Variants in TEX9 observed in about 807,000 individuals in gnomAD.
The protein encoded by TEX9 is testis expressed 9, also known as testis-expressed protein 9.
In TEX9, 74 loss-of-function variants were observed where a neutral mutation model predicts 59.6. The ratio of observed to expected loss-of-function variants is 1.24; its 90% CI spans 1.03 to 1.51. The LOEUF (loss-of-function observed/expected upper bound fraction) is 1.51. Among genes scored for constraint, TEX9 ranks in the 40% most tolerant of loss-of-function variants. The pLI is 0.00. For synonymous variants in TEX9, 186 were observed against 152.2 expected (o/e 1.22, Z -1.64); for missense variants, 522 against 447.8 (o/e 1.17, Z -1.49).
At chr15:56,429,273 A>ATAACT in intron 12 of TEX9, 1 of 874,668 alleles carries the variant, frequency 1.1e-6, no homozygotes, top group Non-Finnish European at 1.8e-6. Flanking sequence ...CAGACATAAG[A>ATAACT]TTAGTAAAGT....
At chr15:56,440,868 G>A (rs1030926324) in intron 12 of TEX9, among the ~76,000 whole-genome samples, 6 of 151,918 alleles carry the variant, frequency 3.9e-5, no homozygotes, top group African/African-American at 1.5e-4. Flanking sequence ...ACTATATTTT[G>A]TTTATCCATT....
chr15:56,416,166 C>T (rs774824860), intron 10 of TEX9, among the ~76,000 whole-genome samples: 2 of 151,906 alleles, frequency 1.3e-5, no homozygotes, highest in East Asian at 1.9e-4. Flanking sequence ...ATTACGCCGT[C>T]TGCAAACAGA....
chr15:56,370,728 T>G (rs1411158506), intron 2 of TEX9, among the ~76,000 whole-genome samples: 1 of 152,220 alleles, frequency 6.6e-6, no homozygotes, highest in Non-Finnish European at 1.5e-5. Flanking sequence ...TCTTTAAAAT[T>G]CTGTATTTTC....
intron 4 of TEX9, 55 bp downstream of exon 4, chr15:56,384,086 T>C: frequency 1.5e-6 from 2 of 1,365,752 alleles, no homozygotes; most frequent in East Asian, 4.6e-5. Flanking sequence ...CATGGATCGT[T>C]ATGTAAGATC....
At chr15:56,447,022 A>AT (rs2050910269), downstream of TEX9, 1 of 934,296 alleles carries the variant, frequency 1.1e-6, no homozygotes, top group Non-Finnish European at 1.6e-6. Context: ...GAGTAACTGT[A>AT]TTTTTAATTT....
intron 3 of TEX9, 134 bp downstream of exon 3, chr15:56,373,638 C>T: frequency 1.5e-6 from 1 of 652,106 alleles, no homozygotes; most frequent in Non-Finnish European, 2.4e-6. Flanking sequence ...ACAAATTGAA[C>T]ATGAATATAT....
At chr15:56,258,741 C>A (rs1322888812) in intron 1 of TEX9, among the ~76,000 whole-genome samples, 9 of 151,812 alleles carry the variant, frequency 5.9e-5, no homozygotes, top group Admixed American at 5.3e-4. Flanking sequence ...TATGGAACAT[C>A]TTTTCATGTG....
intron 12 of TEX9, chr15:56,431,370 T>C: frequency 1.2e-6 from 2 of 1,609,046 alleles, no homozygotes; most frequent in African/African-American, 1.3e-5. Flanking sequence ...AAATCTCACT[T>C]ACTTTAGGGA....
intron 1 of TEX9, among the ~76,000 whole-genome samples, chr15:56,278,730 A>G (rs1296760463): frequency 6.6e-6 from 1 of 152,098 alleles, no homozygotes; most frequent in Non-Finnish European, 1.5e-5. Context: ...TCTCATGAGG[A>G]AAGTTTCTCA....
At chr15:56,303,782 G>C (rs1277193833) in intron 1 of TEX9, among the ~76,000 whole-genome samples, 1 of 151,932 alleles carries the variant, frequency 6.6e-6, no homozygotes, top group African/African-American at 2.4e-5. Flanking sequence ...AAAGTGAGAA[G>C]ACCCAAATAA....
intron 1 of TEX9, among the ~76,000 whole-genome samples, chr15:56,272,008 G>A (rs1219462606): frequency 6.6e-6 from 1 of 152,000 alleles, no homozygotes; most frequent in Non-Finnish European, 1.5e-5. Context: ...GCTGGGCATG[G>A]GGGTGGGCAC....
At position 56,344,721 on chromosome 15, in the gene TEX9, T is replaced by TC. The variant is rs1483821828; in HGVS notation, c.-106-28720_-106-28719insC. On this transcript the variant is annotated intron_variant, in intron 1 of 5. Transcript: ENST00000560827. The stretch of plus-strand genomic sequence containing the variant: ...TTGGATATTTGGCCAAATGTGAAAT[T>TC]AGAAAAAAAATCATTAGGAAAACAC... Among the ~76,000 whole-genome samples, 3 of 152,138 alleles carry TC rather than the reference T, an allele frequency of 2.0e-5. No individual in the cohort carries two copies. The East Asian group carries it at 5.8e-4, about 29-fold the overall frequency.
At position 56,271,533 on chromosome 15, in the gene TEX9, A is replaced by G. The variant is rs892328502; in HGVS notation, c.-107+27255A>G. 2.3e-4 allele frequency among the ~76,000 whole-genome samples: 35 copies of G among 152,110 alleles called. 1 individual carries two copies. Among genetic ancestry groups the G allele is most frequent in the Non-Finnish European group, 1.6e-4 (11 of 68,022 alleles). ...AGGCTGGTCTCAAACTCTTGACCTC[A>G]GGTGATCCACCCACCTTGGCTTCCC... On this transcript the variant is annotated intron_variant, in intron 1 of 5. Transcript: ENST00000560827.
chr15:56,262,628 T>A (rs1207499894), intron 1 of TEX9, among the ~76,000 whole-genome samples: 1 of 152,250 alleles, frequency 6.6e-6, no homozygotes, highest in Admixed American at 6.5e-5. Flanking sequence ...AATTGGTTAA[T>A]CATTTTGTTC....
At chr15:56,452,540 A>T in the TEX9 span, among the ~76,000 whole-genome samples, 1 of 146,294 alleles carries the variant, frequency 6.8e-6, no homozygotes, top group Admixed American at 6.9e-5. Flanking sequence ...TTTTTTTGAG[A>T]CAGAGTCTCT....
chr15:56,333,283 C>G (rs1047044373), intron 1 of TEX9, among the ~76,000 whole-genome samples: 1 of 151,898 alleles, frequency 6.6e-6, no homozygotes, highest in African/African-American at 2.4e-5. Context: ...ACTAGCAAAC[C>G]AAATTCAACA....
chr15:56,446,844 T>A (rs140027468), downstream of TEX9: 1 of 1,596,664 alleles, frequency 6.3e-7, no homozygotes, highest in Non-Finnish European at 8.6e-7. Flanking sequence ...TGATTACCAT[T>A]TGTTCATATT....
At chr15:56,287,358 G>A (rs76512298) in intron 1 of TEX9, among the ~76,000 whole-genome samples, 4,009 of 152,076 alleles carry the variant, frequency 0.026, 174 homozygotes, top group African/African-American at 0.091. Context: ...AGACTCCTGG[G>A]TGAAAAGCAA....
chr15:56,306,012 T>C (rs1215946028), intron 1 of TEX9, among the ~76,000 whole-genome samples: 1 of 151,930 alleles, frequency 6.6e-6, no homozygotes, highest in Non-Finnish European at 1.5e-5. Flanking sequence ...CAAACAGACA[T>C]ATAAAAACAT....
Sources: allele counts gnomAD v4.1 joint callset (sites outside exome capture counted in the v4.1 genomes callset), GRCh38; gene constraint gnomAD v4.1.1; transcripts MANE v1.5; gene names NCBI Gene and HGNC (gene_info 2026-07-23, HGNC 2026-07-21).